Variants in OCA2 observed in about 807,000 individuals in gnomAD.
OCA2 encodes OCA2 melanosomal transmembrane protein, also known as P protein.
A neutral mutation model predicts 100.2 loss-of-function variants in OCA2; 77 were observed. The ratio of observed to expected loss-of-function variants is 0.77; its 90% CI spans 0.64 to 0.93. The LOEUF (loss-of-function observed/expected upper bound fraction) is 0.93, where lower values mean the gene tolerates loss of function less well. OCA2 is among the 40% of genes least tolerant of loss of function. The pLI is 0.00. For missense variants in OCA2, 1,062 were observed against 1,089.1 expected (o/e 0.98, Z 0.35); for synonymous variants, 432 against 439.2 (o/e 0.98, Z 0.21).
chr15:27,721,175 G>T, the OCA2 span, among the ~76,000 whole-genome samples: 1 of 152,166 alleles, frequency 6.6e-6, no homozygotes. Flanking sequence ...CTTCTTTAAA[G>T]AATTTTCTGA....
intron 23 of OCA2, among the ~76,000 whole-genome samples, chr15:27,783,527 G>A (rs962513853): frequency 6.6e-6 from 1 of 152,194 alleles, no homozygotes; most frequent in African/African-American, 2.4e-5. Flanking sequence ...AATATGAAGA[G>A]GGGGAGGGAC....
At chr15:28,025,678 C>T (rs2042727975) in intron 4 of OCA2, among the ~76,000 whole-genome samples, 1 of 152,256 alleles carries the variant, frequency 6.6e-6, no homozygotes, top group African/African-American at 2.4e-5. Flanking sequence ...CCCAATGGCA[C>T]CATCACTGCC....
At chr15:27,744,581 C>G in the OCA2 span, among the ~76,000 whole-genome samples, 1 of 152,162 alleles carries the variant, frequency 6.6e-6, no homozygotes, top group Non-Finnish European at 1.5e-5. Flanking sequence ...TTCTCAGTTG[C>G]TGGATGAATT....
intron 14 of OCA2, among the ~76,000 whole-genome samples, chr15:27,967,833 G>C (rs1315940461): frequency 6.6e-6 from 1 of 152,248 alleles, no homozygotes; most frequent in Non-Finnish European, 1.5e-5. Context: ...TCATTGGTTG[G>C]TTCTGTTCTT....
intron 6 of OCA2, among the ~76,000 whole-genome samples, chr15:28,020,558 G>C (rs1327943976): frequency 6.6e-6 from 1 of 152,050 alleles, no homozygotes; most frequent in African/African-American, 2.4e-5. Flanking sequence ...CATGAGGGGG[G>C]CCAGGAACAC....
In OCA2 at chr15:28,015,932, G is replaced by A. The variant is rs574894589; in HGVS notation, c.890+172C>T. ...CTCACATCCTGACACCCATGGCTAC[G>A]ATGTCCTCCCACAGCCTTTGAGCTC... On this transcript the variant is annotated intron_variant, in intron 8 of 23. Coordinates refer to ENST00000354638, the MANE Select transcript of OCA2 (RefSeq NM_000275.3). Among the ~76,000 whole-genome samples the A allele has an allele frequency of 7.2e-5, 11 of 152,258 alleles. No individual in the cohort carries two copies. The South Asian group carries it at 1.9e-3, about 26-fold the overall frequency.
intron 7 of OCA2, among the ~76,000 whole-genome samples, chr15:28,016,810 A>T (rs1374061943): frequency 1.3e-5 from 2 of 152,184 alleles, no homozygotes; most frequent in African/African-American, 4.8e-5. Context: ...AATTTTTTTT[A>T]ATTTAAAAAA....
At chr15:27,850,495 T>C (rs891889556) in intron 22 of OCA2, among the ~76,000 whole-genome samples, 3 of 152,160 alleles carry the variant, frequency 2.0e-5, no homozygotes, top group Non-Finnish European at 2.9e-5. Context: ...GACTGGTTCT[T>C]AGGGGCAATT....
In OCA2 at chr15:27,957,550, C is replaced by A; in HGVS notation, c.1784+38G>T. 6.2e-7 allele frequency: 1 copy of A among 1,610,184 alleles called. No homozygotes were observed. The highest frequency in any genetic ancestry group is 1.1e-5 in the South Asian group (1 of 90,984). ...TGTAGGCCCATGGAATGTTCTGCTG[C>A]ACACCAAGCACAGTCTGAGCAGGAC... On this transcript the variant is annotated intron_variant, in intron 16 of 23. Transcript: ENST00000354638. The surrounding 1 kb of genome is among the most constrained non-coding windows in gnomAD (Gnocchi z 4.3).
intron 19 of OCA2, among the ~76,000 whole-genome samples, chr15:27,872,263 C>A (rs1200175354): frequency 6.6e-6 from 1 of 152,204 alleles, no homozygotes; most frequent in Non-Finnish European, 1.5e-5. Flanking sequence ...CCATATAGAT[C>A]TTTCAAGAAA....
chr15:28,030,955 C>T (rs1017887822), intron 3 of OCA2, among the ~76,000 whole-genome samples: 4 of 152,150 alleles, frequency 2.6e-5, no homozygotes, highest in South Asian at 2.1e-4. Flanking sequence ...CTACCGGGCA[C>T]GAGAGAAGAC....
At chr15:27,838,478 C>A (rs1044913111) in intron 23 of OCA2, among the ~76,000 whole-genome samples, 1 of 152,096 alleles carries the variant, frequency 6.6e-6, no homozygotes, top group African/African-American at 2.4e-5. Flanking sequence ...TCCGTGAAAT[C>A]GTAAAATATA....
downstream of OCA2, among the ~76,000 whole-genome samples, chr15:27,750,428 C>G (rs745658673): frequency 6.6e-6 from 1 of 152,064 alleles, no homozygotes; most frequent in Admixed American, 6.5e-5. Context: ...GTTAGCTGAC[C>G]CCTTGGAATA....
chr15:27,834,106 C>T (rs1295208135), intron 23 of OCA2, among the ~76,000 whole-genome samples: 1 of 152,162 alleles, frequency 6.6e-6, no homozygotes, highest in Non-Finnish European at 1.5e-5. Context: ...AAGATCAAGG[C>T]ATGATTAGAA....
At chr15:27,865,204 C>T (rs1164598580) in intron 21 of OCA2, among the ~76,000 whole-genome samples, 1 of 151,998 alleles carries the variant, frequency 6.6e-6, no homozygotes, top group Non-Finnish European at 1.5e-5. Flanking sequence ...CCCTGGAATA[C>T]CACGCGAAGG....
chr15:28,014,786 A>T lies in OCA2; in HGVS notation c.1034T>A (p.Ile345Asn). 1.9e-6 allele frequency: 3 copies of T among 1,613,144 alleles called. No individual in the cohort carries two copies. The highest frequency in any genetic ancestry group is 1.7e-6 in the Non-Finnish European group (2 of 1,179,970). The change falls in exon 9 of 24, where the codon ATC becomes AAC. Residue 345 changes from isoleucine (I) to asparagine (N), a missense_variant. Physicochemically the swap from Ile to Asn is moderately radical, Grantham distance 149 (BLOSUM62 -3). Coordinates refer to ENST00000354638, the MANE Select transcript of OCA2 (RefSeq NM_000275.3). ...AGGTGTGAAAGTTACCTCAAATATGATCAGCGCGTAGACGCCCGCGAGGAT... is the reference window on the plus strand; with the variant it reads ...AGGTGTGAAAGTTACCTCAAATATGTTCAGCGCGTAGACGCCCGCGAGGAT... ...TAILAGVYAL[I>N]IFEIVHRTLA...
rs188470005 is a variant in OCA2, at chr15:27,813,301, A to C, written c.2432+31658T>G. Among the ~76,000 whole-genome samples the C allele has an allele frequency of 7.5e-4, 114 of 152,190 alleles. No individual in the cohort carries two copies. In the Middle Eastern group the frequency reaches 0.034, roughly 45 times the overall value. ...TGGGAAGGGCCTCCAACTGGCCCAG[A>C]GGGCCTCTCTCCCCTCCACCCTCCT... On this transcript the variant is annotated intron_variant, in intron 23 of 23. Transcript: ENST00000354638.
intron 23 of OCA2, among the ~76,000 whole-genome samples, chr15:27,817,425 T>C (rs557429859): frequency 6.6e-6 from 1 of 152,332 alleles, no homozygotes; most frequent in South Asian, 2.1e-4. Flanking sequence ...TTGAACATTA[T>C]GAAATGTTGA....
At chr15:27,841,903 T>C (rs1214016487) in intron 23 of OCA2, among the ~76,000 whole-genome samples, 1 of 152,218 alleles carries the variant, frequency 6.6e-6, no homozygotes, top group Non-Finnish European at 1.5e-5. Context: ...GTTTCAGCAG[T>C]GAAGTTCAAT....
Sources: allele counts gnomAD v4.1 joint callset (sites outside exome capture counted in the v4.1 genomes callset), GRCh38; gene constraint gnomAD v4.1.1; non-coding constraint Gnocchi (gnomAD v3.1); transcripts MANE v1.5; gene names NCBI Gene and HGNC (gene_info 2026-07-23, HGNC 2026-07-21).